Variants in ACER2 observed in about 807,000 individuals in gnomAD.
The protein encoded by ACER2 is alkCDase 2.
ACER2 carries 26 observed loss-of-function variants against 34.7 expected under a neutral mutation model. The observed-to-expected ratio is 0.75, with a 90% CI of 0.55 to 1.04. ACER2 has a LOEUF of 1.04. ACER2 is among the 50% of genes least tolerant of loss of function. The pLI is 0.00. For missense variants in ACER2, 352 were observed against 340.8 expected, an observed-to-expected ratio of 1.03 and a Z score of -0.26; for synonymous variants, 138 against 132.1, an observed-to-expected ratio of 1.04 and a Z score of -0.31.
chr9:19,432,694 ATATAGT>A lies in ACER2; in HGVS notation c.366-2248_366-2243del, dbSNP rs886130493. ...GTTATGCTATATATAGATATGTATAATATAGTTATATATAAAATATATAATATATAT... is the reference window on the plus strand; with the variant it reads ...GTTATGCTATATATAGATATGTATAATATATATAAAATATATAATATATAT... On this transcript the variant is annotated intron_variant, in intron 3 of 5. Coordinates refer to ENST00000340967, the MANE Select transcript of ACER2 (RefSeq NM_001010887.3). Among the ~76,000 whole-genome samples, 6 of 148,064 alleles carry A rather than the reference ATATAGT, an allele frequency of 4.1e-5. No homozygotes were observed. In the South Asian group the frequency reaches 1.0e-3, roughly 26 times the overall value.
At chr9:19,424,467 G>A (rs1830499991) in intron 2 of ACER2, 2 of 985,348 alleles carry the variant, frequency 2.0e-6, no homozygotes, top group Non-Finnish European at 2.4e-6. Flanking sequence ...GTTTAACTGT[G>A]GAATTGTTAA....
chr9:19,423,367 A>G lies in ACER2; in HGVS notation c.109-495A>G, dbSNP rs377358952. Among the ~76,000 whole-genome samples, 297 of 152,290 alleles carry G rather than the reference A, an allele frequency of 2.0e-3. 14 individuals are homozygous for G. The South Asian group carries it at 0.059, about 30-fold the overall frequency. On this transcript the variant is annotated intron_variant, in intron 1 of 5. Transcript: ENST00000340967. ...AGGGAGCCTCTTAAATGGTCATTTA[A>G]AAAGCTTTAAGTTCTCCTGATTGTA...
intron 3 of ACER2, among the ~76,000 whole-genome samples, chr9:19,431,045 A>T (rs972803965): frequency 6.6e-6 from 1 of 151,990 alleles, no homozygotes; most frequent in African/African-American, 2.4e-5. Context: ...CTGCCTTTAA[A>T]CCATTTGGCA....
Position 19,424,814 on chromosome 9 carries a change from A to G in ACER2, c.338A>G (p.Tyr113Cys). 2 of 1,614,188 alleles carry G rather than the reference A, an allele frequency of 1.2e-6. No homozygotes were observed. Among genetic ancestry groups the G allele is most frequent in the South Asian group, 1.1e-5 (1 of 91,082 alleles). ...TTGGCCATGTGGTTCCCCAGAAGGT[A>G]TCTACCAAAGATCTTTCGGAATGAC... Reference protein sequence around the residue: ...CALAMWFPRRYLPKIFRNDRG... With the variant: ...CALAMWFPRRCLPKIFRNDRG... Residue 113 changes from tyrosine (Y) to cysteine (C), a missense_variant, in exon 3 of 6, where the codon TAT becomes TGT. By Grantham distance (194) the Tyr-to-Cys change is radical. Coordinates refer to ENST00000340967, the MANE Select transcript of ACER2 (RefSeq NM_001010887.3).
In ACER2 at chr9:19,450,746, C is replaced by G; in HGVS notation, c.*110C>G. 1 of 1,093,722 alleles carries G rather than the reference C, an allele frequency of 9.1e-7. No individual in the cohort carries two copies. The highest frequency in any genetic ancestry group is 1.2e-6 in the Non-Finnish European group (1 of 801,466). 67.8% of individuals were successfully genotyped at this position (1,093,722 alleles called of 1,614,324 possible). ...ATAGTTGGGGTGTGGGCTATCTTTT[C>G]AAAAATCTATTTGCTGGGGCTCTTA... On this transcript the variant is annotated 3_prime_UTR_variant, in exon 6 of 6. Transcript: ENST00000340967.
chr9:19,426,410 C>G (rs1302564046), intron 3 of ACER2, among the ~76,000 whole-genome samples: 1 of 147,934 alleles, frequency 6.8e-6, no homozygotes, highest in Non-Finnish European at 1.5e-5. Context: ...CCCTTCCCCT[C>G]CTTTCCCCTC....
chr9:19,409,154 T>G lies in ACER2; in HGVS notation c.70T>G (p.Tyr24Asp). The change falls in exon 1 of 6, where the codon TAC becomes GAC. Residue 24 changes from tyrosine to aspartate, a missense_variant. By Grantham distance (160) the Tyr-to-Asp change is radical (BLOSUM62 -3). Transcript: ENST00000340967. ...GGAGGTGGACTGGTGCGAGGACAAC[T>G]ACACCATCGTGCCTGCTATCGCCGA... ...SSEVDWCEDN[Y>D]TIVPAIAEFY... 1 of 1,606,652 alleles carries G rather than the reference T, an allele frequency of 6.2e-7. No individual in the cohort carries two copies. The highest frequency in any genetic ancestry group is 2.2e-5 in the East Asian group (1 of 44,594).
chr9:19,452,180 T>G lies in ACER2; in HGVS notation c.*1544T>G, dbSNP rs1437213765. 2.6e-5 allele frequency among the ~76,000 whole-genome samples: 4 copies of G among 152,178 alleles called. No individual in the cohort carries two copies. The highest frequency in any genetic ancestry group is 2.6e-4 in the Admixed American group (4 of 15,284). On this transcript the variant is annotated 3_prime_UTR_variant, in exon 6 of 6. Transcript: ENST00000340967. ...CTCAGGCGTGTCCTGCTTTGTAACATTCCATTGTTGGGAGAGGGCAGGACA... is the reference window on the plus strand; with the variant it reads ...CTCAGGCGTGTCCTGCTTTGTAACAGTCCATTGTTGGGAGAGGGCAGGACA...
chr9:19,417,084 TA>T (rs1563873015), intron 1 of ACER2, among the ~76,000 whole-genome samples: 3 of 151,910 alleles, frequency 2.0e-5, no homozygotes, highest in Non-Finnish European at 2.9e-5. Context: ...ACACCAATAA[TA>T]GACAGAGAGG....
At chr9:19,432,281 CTT>C (rs1589051468) in intron 3 of ACER2, among the ~76,000 whole-genome samples, 1 of 152,050 alleles carries the variant, frequency 6.6e-6, no homozygotes, top group Admixed American at 6.6e-5. Context: ...TTTCTTAAAA[CTT>C]TTTTTGGGTG....
intron 3 of ACER2, among the ~76,000 whole-genome samples, chr9:19,430,461 A>T (rs79868409): frequency 6.6e-6 from 1 of 152,140 alleles, no homozygotes; most frequent in Non-Finnish European, 1.5e-5. Context: ...TTACTCCTGG[A>T]TATTTCTAGC....
intron 1 of ACER2, among the ~76,000 whole-genome samples, chr9:19,422,099 C>G (rs1589040450): frequency 6.8e-6 from 1 of 147,210 alleles, no homozygotes; most frequent in East Asian, 2.0e-4. Context: ...GCCTGGGCAA[C>G]ATAGTGAGAC....
At chr9:19,436,376 A>G (rs1830975813) in intron 4 of ACER2, among the ~76,000 whole-genome samples, 1 of 152,242 alleles carries the variant, frequency 6.6e-6, no homozygotes, top group Non-Finnish European at 1.5e-5. Flanking sequence ...CAAGCAAAAA[A>G]GAAATCTGTC....
chr9:19,434,182 G>A (rs556800838), intron 3 of ACER2, among the ~76,000 whole-genome samples: 12 of 151,358 alleles, frequency 7.9e-5, no homozygotes, highest in South Asian at 2.1e-4. Context: ...ATGGGCGGCC[G>A]GGCAGAGACG....
chr9:19,434,396 C>T (rs12686711), intron 3 of ACER2, among the ~76,000 whole-genome samples: 19,731 of 151,864 alleles, frequency 0.13, 1,290 homozygotes, highest in South Asian at 0.26. Context: ...GCTGCAATCT[C>T]GGCACTTTGG....
At chr9:19,428,697 G>C (rs1264117990) in intron 3 of ACER2, among the ~76,000 whole-genome samples, 1 of 150,740 alleles carries the variant, frequency 6.6e-6, no homozygotes, top group Non-Finnish European at 1.5e-5. Context: ...ATTACGTAAG[G>C]CCTATAGTAC....
intron 4 of ACER2, among the ~76,000 whole-genome samples, chr9:19,444,678 C>T (rs1831292158): frequency 6.6e-6 from 1 of 152,086 alleles, no homozygotes; most frequent in Non-Finnish European, 1.5e-5. Flanking sequence ...AGACTGAGCC[C>T]TGGAGAGAAG....
chr9:19,432,639 C>T (rs945026656), intron 3 of ACER2, among the ~76,000 whole-genome samples: 4 of 147,310 alleles, frequency 2.7e-5, no homozygotes, highest in Non-Finnish European at 6.0e-5. Flanking sequence ...TTTATTAATG[C>T]ACATATTTAA....
At chr9:19,430,819 G>C (rs184549016) in intron 3 of ACER2, among the ~76,000 whole-genome samples, 4 of 151,798 alleles carry the variant, frequency 2.6e-5, no homozygotes, top group South Asian at 2.2e-4. Context: ...TTAGCTTAGG[G>C]TGGTGGCAGG....
Sources: allele counts gnomAD v4.1 joint callset (sites outside exome capture counted in the v4.1 genomes callset), GRCh38; gene constraint gnomAD v4.1.1; transcripts MANE v1.5; gene names NCBI Gene and HGNC (gene_info 2026-07-23, HGNC 2026-07-21).